Variants in TENT4B observed in about 807,000 individuals in gnomAD.
The protein encoded by TENT4B is terminal nucleotidyltransferase 4B, also known as PAP associated domain containing 5.
A neutral mutation model predicts 75.0 loss-of-function variants in TENT4B; 10 were observed. That is an observed-to-expected ratio of 0.13 (90% CI 0.08 to 0.23). The LOEUF is 0.23. TENT4B is among the 10% of genes least tolerant of loss of function. The pLI is 1.00. For missense variants in TENT4B, 579 were observed against 893.8 expected (o/e 0.65, Z 4.49); for synonymous variants, 350 against 357.7 (o/e 0.98, Z 0.24).
chr16:50,169,441 G>A (rs2038165600), intron 1 of TENT4B, among the ~76,000 whole-genome samples: 1 of 121,158 alleles, frequency 8.3e-6, no homozygotes, highest in African/African-American at 3.1e-5. Context: ...ATGGTGGTGT[G>A]TACATCTCTC....
intron 1 of TENT4B, among the ~76,000 whole-genome samples, chr16:50,161,440 G>A (rs1016413962): frequency 6.6e-6 from 1 of 152,114 alleles, no homozygotes; most frequent in Admixed American, 6.5e-5. Context: ...ATAGTATTTG[G>A]TAATTAAATT....
chr16:50,225,464 G>C (rs546283293), intron 10 of TENT4B, among the ~76,000 whole-genome samples, 179 bp downstream of exon 10: 4 of 152,290 alleles, frequency 2.6e-5, no homozygotes, highest in Admixed American at 2.6e-4. Context: ...CAAGCATATA[G>C]TAAAAGTGAA....
intron 1 of TENT4B, among the ~76,000 whole-genome samples, chr16:50,186,056 A>G (rs530074158): frequency 6.6e-6 from 1 of 152,330 alleles, no homozygotes; most frequent in South Asian, 2.1e-4. Flanking sequence ...AAATATACAT[A>G]AGATAAAATT....
At chr16:50,154,301 A>G in intron 1 of TENT4B, 42 bp downstream of exon 1, 1 of 1,385,742 alleles carries the variant, frequency 7.2e-7, no homozygotes, top group Non-Finnish European at 9.3e-7. Context: ...GCCGGTGCGA[A>G]TGCGCAGCCG....
intron 10 of TENT4B, 140 bp from the exon 11 acceptor site, chr16:50,227,699 A>T: frequency 2.3e-6 from 2 of 881,018 alleles, no homozygotes; most frequent in Non-Finnish European, 3.4e-6. Flanking sequence ...ACAAACAGTT[A>T]ATTTTTTGTG....
At chr16:50,214,100 G>A in intron 2 of TENT4B, 121 bp from the exon 3 acceptor site, 1 of 713,376 alleles carries the variant, frequency 1.4e-6, no homozygotes, top group Non-Finnish European at 2.4e-6. Flanking sequence ...AAATGCTCTT[G>A]TCATACCAAA....
chr16:50,221,383 A>G (rs1374039381), intron 5 of TENT4B, among the ~76,000 whole-genome samples: 3 of 152,204 alleles, frequency 2.0e-5, no homozygotes, highest in African/African-American at 4.8e-5. Flanking sequence ...GGAGTGAATG[A>G]ATATGTGCAC....
At position 50,211,320 on chromosome 16, in the gene TENT4B, C is replaced by T. The variant is rs1462691250; in HGVS notation, c.639-3C>T. On this transcript the variant is annotated splice_region_variant and splice_polypyrimidine_tract_variant and intron_variant, in intron 1 of 11. Transcript: ENST00000561678. ...ATATTAACTTTTCTGTTTTTTTCTT[C>T]AGTCTGCATGAAGAAATCAGTGATT... 1.2e-6 allele frequency: 2 copies of T among 1,602,118 alleles called. No individual in the cohort carries two copies. Among genetic ancestry groups the T allele is most frequent in the Admixed American group, 3.5e-5 (2 of 56,786 alleles).
chr16:50,214,356 A>G, intron 3 of TENT4B, 89 bp downstream of exon 3: 2 of 1,082,410 alleles, frequency 1.8e-6, no homozygotes, highest in South Asian at 2.9e-5. Context: ...AACAAAACAA[A>G]TTTATAAAAC....
chr16:50,225,057 A>T (rs538763267), intron 9 of TENT4B, 41 bp from the exon 10 acceptor site: 1 of 1,607,944 alleles, frequency 6.2e-7, no homozygotes, highest in African/African-American at 1.3e-5. Context: ...GTGTGCGTTT[A>T]ATGGGAAGAA....
At position 50,154,962 on chromosome 16, in the gene TENT4B, T is replaced by C. The variant is rs563482831; in HGVS notation, c.638+703T>C. 2.6e-5 allele frequency among the ~76,000 whole-genome samples: 4 copies of C among 152,314 alleles called. No homozygotes were observed. In the East Asian group the frequency reaches 5.8e-4, roughly 22 times the overall value. On this transcript the variant is annotated intron_variant, in intron 1 of 11. Coordinates refer to ENST00000561678, the MANE Select transcript of TENT4B (RefSeq NM_001365324.3). ...AAGGTGGTGAGCCCTTCTGAGGCCC[T>C]GATAGAACTTTCCAGGAGTTCATGG...
At chr16:50,226,914 C>A (rs2032083326) in intron 10 of TENT4B, among the ~76,000 whole-genome samples, 1 of 152,184 alleles carries the variant, frequency 6.6e-6, no homozygotes, top group African/African-American at 2.4e-5. Context: ...CCTCTGGTAA[C>A]CTCTAATCTA....
At chr16:50,191,733 A>T (rs2038643371) in intron 1 of TENT4B, among the ~76,000 whole-genome samples, 1 of 152,146 alleles carries the variant, frequency 6.6e-6, no homozygotes, top group Non-Finnish European at 1.5e-5. Flanking sequence ...CAGCCTGACC[A>T]ACATGGAGAA....
At chr16:50,208,809 T>C (rs984763546) in intron 1 of TENT4B, among the ~76,000 whole-genome samples, 7 of 152,132 alleles carry the variant, frequency 4.6e-5, no homozygotes, top group African/African-American at 1.4e-4. Flanking sequence ...GTCAGCTCAC[T>C]GCAGCCTCCA....
At chr16:50,161,863 A>G (rs2038008055) in intron 1 of TENT4B, among the ~76,000 whole-genome samples, 1 of 152,122 alleles carries the variant, frequency 6.6e-6, no homozygotes, top group African/African-American at 2.4e-5. Flanking sequence ...ATATAATTGT[A>G]TGCAATTTTA....
intron 4 of TENT4B, among the ~76,000 whole-genome samples, chr16:50,217,345 T>C (rs907960525): frequency 6.6e-6 from 1 of 152,202 alleles, no homozygotes; most frequent in Non-Finnish European, 1.5e-5. Context: ...GAAATTATAC[T>C]GTAATATACT....
chr16:50,200,481 C>T (rs911004036), intron 1 of TENT4B, among the ~76,000 whole-genome samples: 6 of 152,058 alleles, frequency 3.9e-5, no homozygotes, highest in South Asian at 2.1e-4. Context: ...AAAGTGGCTG[C>T]GCCATTTTGC....
At chr16:50,171,944 A>G (rs891843626) in intron 1 of TENT4B, among the ~76,000 whole-genome samples, 10 of 151,854 alleles carry the variant, frequency 6.6e-5, no homozygotes, top group African/African-American at 9.7e-5. Flanking sequence ...GAGCTAACGC[A>G]GCAGAGGTTG....
intron 1 of TENT4B, among the ~76,000 whole-genome samples, chr16:50,157,471 T>G (rs539868518): frequency 7.2e-5 from 11 of 152,378 alleles, no homozygotes; most frequent in African/African-American, 2.4e-4. Context: ...ATATTGGATT[T>G]CATCCTAAAG....
Sources: gnomAD v4.1 joint callset for allele counts (sites outside exome capture counted in the v4.1 genomes callset) on GRCh38, gnomAD v4.1.1 for gene constraint, MANE v1.5 for transcripts, NCBI Gene and HGNC (gene_info 2026-07-23, HGNC 2026-07-21) for gene names.